The following MRC1 variants were observed in gnomAD, a reference collection of about 807,000 sequenced individuals.
MRC1 encodes mannose receptor C-type 1.
In MRC1, 62 loss-of-function variants were observed where a neutral mutation model predicts 102.9. The ratio of observed to expected loss-of-function variants is 0.60; its 90% CI spans 0.49 to 0.74. The LOEUF is 0.74. Among genes scored for constraint, MRC1 ranks in the 30% least tolerant of loss-of-function variants. The pLI is 0.00. For synonymous variants in MRC1, 457 were observed against 298.4 expected, an observed-to-expected ratio of 1.53 and a Z score of -5.48; for missense variants, 1,237 against 862.8, an observed-to-expected ratio of 1.43 and a Z score of -5.43.
chr10:17,883,936 A>G (rs1312363928), intron 21 of MRC1, among the ~76,000 whole-genome samples: 2 of 152,176 alleles, frequency 1.3e-5, no homozygotes, highest in Admixed American at 6.5e-5. Context: ...GCCATATTCT[A>G]TAGTCTCATC....
chr10:17,885,533 C>A, intron 22 of MRC1, 98 bp downstream of exon 22: 1 of 736,210 alleles, frequency 1.4e-6, no homozygotes, highest in Non-Finnish European at 2.5e-6. Flanking sequence ...TACCAGAATA[C>A]TCCTTGATCT....
rs1264140279 is a variant in MRC1, at chr10:17,880,822, A to G, written c.2865+152A>G. ...TTCGCGTGACAAACTCTTTATGGAA[A>G]TTGAGAGCATACTTGAGATATTATC... On this transcript the variant is annotated intron_variant, in intron 20 of 29. Transcript: ENST00000569591. The G allele has an allele frequency of 1.5e-5, 11 of 744,492 alleles. No homozygotes were observed. The African/African-American group carries it at 1.7e-4, about 12-fold the overall frequency. The allele number at this position is 744,492 out of a possible 1,614,324, so 46.1% of individuals were successfully genotyped here. A position where few individuals can be genotyped will look rare whatever the true frequency, so the allele number is the denominator to read the frequency against.
intron 1 of MRC1, among the ~76,000 whole-genome samples, chr10:17,819,218 G>C (rs1414810627): frequency 1.3e-5 from 2 of 152,176 alleles, no homozygotes; most frequent in African/African-American, 4.8e-5. Context: ...CACTCTTGTA[G>C]GTGGCTCAGT....
intron 8 of MRC1, 89 bp downstream of exon 8, chr10:17,853,213 T>G: frequency 1.3e-6 from 1 of 758,470 alleles, no homozygotes; most frequent in East Asian, 2.4e-5. Context: ...TTTGTTTAGA[T>G]TGTTTTTATT....
chr10:17,873,298 A>C (rs1833380561), intron 15 of MRC1, among the ~76,000 whole-genome samples: 1 of 152,216 alleles, frequency 6.6e-6, no homozygotes, highest in African/African-American at 2.4e-5. Flanking sequence ...AATCGTTTCA[A>C]ATCATGAAAT....
chr10:17,866,718 CGGAGGATTGG>C lies in MRC1; in HGVS notation c.1943_1952del (p.Glu648AlafsTer37). The stretch of plus-strand genomic sequence containing the variant: ...ACGACGACTCCCGAACCCAAATGTC[CGGAGGATTGG>C]GGCGCCAGCAGTAGAACAAGCTTGT... On this transcript the variant is annotated frameshift_variant, in exon 12 of 30. Coordinates refer to ENST00000569591, the MANE Select transcript of MRC1 (RefSeq NM_002438.4). LOFTEE classifies it high-confidence loss of function. 1.3e-6 allele frequency: 1 copy of C among 780,738 alleles called. No individual in the cohort carries two copies. The highest frequency in any genetic ancestry group is 1.3e-5 in the South Asian group (1 of 74,618). The allele number at this position is 780,738 out of a possible 1,614,324, so 48.4% of individuals were successfully genotyped here.
At chr10:17,820,864 C>A (rs1412126724) in intron 1 of MRC1, among the ~76,000 whole-genome samples, 3 of 152,000 alleles carry the variant, frequency 2.0e-5, no homozygotes, top group Admixed American at 6.6e-5. Context: ...TTTTAAAAAA[C>A]CGTTTTTATT....
At chr10:17,882,542 A>G (rs2130693710) in intron 21 of MRC1, among the ~76,000 whole-genome samples, 1 of 152,290 alleles carries the variant, frequency 6.6e-6, no homozygotes, top group South Asian at 2.1e-4. Flanking sequence ...AGAATCATTT[A>G]TTTCAAAAAT....
At chr10:17,858,168 C>G (rs1554841005) in intron 9 of MRC1, among the ~76,000 whole-genome samples, 8 of 152,162 alleles carry the variant, frequency 5.3e-5, no homozygotes, top group Admixed American at 3.3e-4. Flanking sequence ...TTCATCCTCA[C>G]CCTGAATAAT....
At chr10:17,898,314 G>T (rs1833783016) in intron 24 of MRC1, 48 bp downstream of exon 24, 1 of 780,670 alleles carries the variant, frequency 1.3e-6, no homozygotes, top group Non-Finnish European at 2.4e-6. Context: ...GTGAATTATG[G>T]TTGAATATGA....
chr10:17,859,898 C>T (rs1027931496), intron 9 of MRC1, among the ~76,000 whole-genome samples: 10 of 152,084 alleles, frequency 6.6e-5, no homozygotes, highest in South Asian at 4.1e-4. Context: ...TGTTTTTTTC[C>T]GGTACTCAGA....
intron 18 of MRC1, 137 bp downstream of exon 18, chr10:17,878,104 A>C: frequency 1.6e-6 from 1 of 636,608 alleles, no homozygotes; most frequent in South Asian, 1.9e-5. Context: ...GCAACTTGAA[A>C]AAAGGAATTT....
At chr10:17,864,869 A>G (rs1344243446) in intron 11 of MRC1, among the ~76,000 whole-genome samples, 1 of 150,052 alleles carries the variant, frequency 6.7e-6, no homozygotes, top group Admixed American at 6.6e-5. Flanking sequence ...ACTGAGACTC[A>G]GGAAGTTTAT....
intron 4 of MRC1, among the ~76,000 whole-genome samples, chr10:17,839,306 G>C (rs560685402): frequency 3.9e-5 from 6 of 151,952 alleles, no homozygotes; most frequent in Admixed American, 2.0e-4. Context: ...TTTAATCAGC[G>C]AATTATTTAT....
At chr10:17,855,286 A>G (rs931705654) in intron 8 of MRC1, among the ~76,000 whole-genome samples, 30 of 152,184 alleles carry the variant, frequency 2.0e-4, no homozygotes, top group African/African-American at 7.0e-4. Context: ...AAGACGCTGC[A>G]TGCGGCCGGG....
At chr10:17,848,776 C>T (rs1838867670) in intron 6 of MRC1, among the ~76,000 whole-genome samples, 1 of 152,096 alleles carries the variant, frequency 6.6e-6, no homozygotes, top group South Asian at 2.1e-4. Flanking sequence ...ACTCCAGATC[C>T]CTCTCCTAGT....
rs1169491027 is a variant in MRC1, at chr10:17,866,560, A to G, written c.1784-2A>G. ...GAATTCTACTTCATATATTTAATGC[A>G]GGGCGAAAGCCAGGGTGTGTTGCCA... On this transcript the variant is annotated splice_acceptor_variant, in intron 11 of 29. Coordinates refer to ENST00000569591, the MANE Select transcript of MRC1 (RefSeq NM_002438.4). LOFTEE classifies it high-confidence loss of function. 2 of 780,758 alleles carry G rather than the reference A, an allele frequency of 2.6e-6. No individual in the cohort carries two copies. The highest frequency in any genetic ancestry group is 4.8e-6 in the Non-Finnish European group (2 of 417,970). 48.4% of individuals were successfully genotyped at this position (780,758 alleles called of 1,614,324 possible).
intron 1 of MRC1, among the ~76,000 whole-genome samples, chr10:17,821,877 A>G (rs2130588576): frequency 6.6e-6 from 1 of 152,374 alleles, no homozygotes; most frequent in Middle Eastern, 3.4e-3. Flanking sequence ...CTACCAGCTC[A>G]TTTTGAAAGA....
At chr10:17,864,401 G>A (rs1833230930) in intron 11 of MRC1, among the ~76,000 whole-genome samples, 1 of 152,180 alleles carries the variant, frequency 6.6e-6, no homozygotes, top group South Asian at 2.1e-4. Flanking sequence ...GGGTGGGGCA[G>A]CAAAGGACAT....
Sources: gnomAD v4.1 joint callset for allele counts (sites outside exome capture counted in the v4.1 genomes callset) on GRCh38, gnomAD v4.1.1 for gene constraint, MANE v1.5 for transcripts, NCBI Gene and HGNC (gene_info 2026-07-23, HGNC 2026-07-21) for gene names.